Variants in ARF4 observed in about 807,000 individuals in gnomAD.
ARF4 encodes the protein ARF GTPase 4.
In ARF4, 5 loss-of-function variants were observed where a neutral mutation model predicts 24.3. That is an observed-to-expected ratio of 0.21 (90% CI 0.11 to 0.43). The LOEUF (loss-of-function observed/expected upper bound fraction) is 0.43. Among genes scored for constraint, ARF4 ranks in the 20% least tolerant of loss-of-function variants. ARF4 has a pLI of 1.00. For missense variants in ARF4, 107 were observed against 213.0 expected, an observed-to-expected ratio of 0.50 and a Z score of 3.10; for synonymous variants, 62 against 73.5, an observed-to-expected ratio of 0.84 and a Z score of 0.80.
intron 3 of ARF4, among the ~76,000 whole-genome samples, chr3:57,580,186 C>T (rs2153408715): frequency 6.6e-6 from 1 of 152,226 alleles, no homozygotes; most frequent in Admixed American, 6.5e-5. Context: ...TCTTATACTA[C>T]TTGTTATATA....
At chr3:57,593,194 G>A (rs908311171) in intron 1 of ARF4, among the ~76,000 whole-genome samples, 1 of 152,034 alleles carries the variant, frequency 6.6e-6, no homozygotes, top group African/African-American at 2.4e-5. Context: ...ATGGGTGACA[G>A]AGCAAAACCC....
At chr3:57,577,430 ACT>A (rs2069919698) in intron 3 of ARF4, 43 bp from the exon 4 acceptor site, 2 of 1,498,596 alleles carry the variant, frequency 1.3e-6, no homozygotes, top group Non-Finnish European at 1.9e-6. Context: ...GTTAAACGAC[ACT>A]CTCTATATGA....
chr3:57,593,947 A>C (rs928280019), intron 1 of ARF4, among the ~76,000 whole-genome samples: 9 of 152,190 alleles, frequency 5.9e-5, no homozygotes, highest in African/African-American at 2.2e-4. Flanking sequence ...ATAATTATTT[A>C]AAAAATATAT....
intron 1 of ARF4, among the ~76,000 whole-genome samples, chr3:57,594,338 C>T (rs1004928068): frequency 6.6e-6 from 1 of 152,196 alleles, no homozygotes; most frequent in Non-Finnish European, 1.5e-5. Context: ...TCCTCCCAAC[C>T]TGGCCTCCCA....
chr3:57,596,591 C>G (rs76924430), intron 1 of ARF4: 2,047 of 153,220 alleles, frequency 0.013, 50 homozygotes, highest in African/African-American at 0.046. Flanking sequence ...GCTCCAGGCT[C>G]CGGGTGGCCG....
intron 1 of ARF4, among the ~76,000 whole-genome samples, chr3:57,590,415 G>A (rs567509827): frequency 2.6e-5 from 4 of 152,088 alleles, no homozygotes; most frequent in Non-Finnish European, 4.4e-5. Flanking sequence ...GAACCCGGGA[G>A]GCGGAGTCTG....
chr3:57,586,937 A>AG lies in ARF4; in HGVS notation c.68-2474dup, dbSNP rs1234149406. ...AGAATTGAAACTGAGACGCTGATTA[A>AG]GAAACACACACACACACGCACACAC... On this transcript the variant is annotated intron_variant, in intron 1 of 5. Coordinates refer to ENST00000303436, the MANE Select transcript of ARF4 (RefSeq NM_001660.4). Among the ~76,000 whole-genome samples, 8 of 152,240 alleles carry AG rather than the reference A, an allele frequency of 5.3e-5. No homozygotes were observed. The East Asian group carries it at 1.5e-3, about 29-fold the overall frequency.
intron 1 of ARF4, among the ~76,000 whole-genome samples, chr3:57,590,686 A>G (rs972399833): frequency 2.0e-5 from 3 of 151,964 alleles, no homozygotes; most frequent in Non-Finnish European, 4.4e-5. Flanking sequence ...ATATATATAC[A>G]TTTGTTTTTT....
chr3:57,578,186 A>T (rs2069929204), intron 3 of ARF4, among the ~76,000 whole-genome samples: 1 of 152,128 alleles, frequency 6.6e-6, no homozygotes. Context: ...TCATCATGGA[A>T]GGAAAAAATT....
At chr3:57,578,895 G>A (rs539025999) in intron 3 of ARF4, among the ~76,000 whole-genome samples, 1 of 151,574 alleles carries the variant, frequency 6.6e-6, no homozygotes, top group South Asian at 2.1e-4. Flanking sequence ...AGAAAAGGGG[G>A]GGGGCAAAAA....
At chr3:57,596,112 G>C (rs190221067) in intron 1 of ARF4, among the ~76,000 whole-genome samples, 1 of 152,274 alleles carries the variant, frequency 6.6e-6, no homozygotes, top group African/African-American at 2.4e-5. Context: ...ACCGGGAGCG[G>C]TTGCTTACTT....
At chr3:57,585,881 T>C (rs1343561939) in intron 1 of ARF4, among the ~76,000 whole-genome samples, 1 of 152,030 alleles carries the variant, frequency 6.6e-6, no homozygotes, top group Non-Finnish European at 1.5e-5. Context: ...AGGCTGGTCT[T>C]GAACTCCTGA....
At chr3:57,573,625 G>C (rs7611153) in intron 5 of ARF4, among the ~76,000 whole-genome samples, 61,375 of 152,020 alleles carry the variant, frequency 0.4, 13,276 homozygotes, top group South Asian at 0.56. Flanking sequence ...CTCTTGCCCA[G>C]ACTGGAGTGC....
At chr3:57,585,927 G>A (rs1262972316) in intron 1 of ARF4, among the ~76,000 whole-genome samples, 3 of 152,074 alleles carry the variant, frequency 2.0e-5, no homozygotes. Context: ...CTCTCAAAGT[G>A]CTGTGATTAC....
At chr3:57,587,797 A>C (rs1424752615) in intron 1 of ARF4, among the ~76,000 whole-genome samples, 1 of 152,234 alleles carries the variant, frequency 6.6e-6, no homozygotes, top group Admixed American at 6.5e-5. Flanking sequence ...AAGTATCCAC[A>C]AATTATTTTC....
Position 57,597,216 on chromosome 3 carries a change from C to T in ARF4, c.-76G>A. 7.1e-7 allele frequency: 1 copy of T among 1,403,432 alleles called. No homozygotes were observed. The highest frequency in any genetic ancestry group is 1.4e-5 in the African/African-American group (1 of 70,290). 86.9% of individuals were successfully genotyped at this position (1,403,432 alleles called of 1,614,324 possible). A position where few individuals can be genotyped will look rare whatever the true frequency, so the allele number is the denominator to read the frequency against. The stretch of plus-strand genomic sequence containing the variant: ...CCCGTGCTTTCTCCTTTCAAGCTCC[C>T]AGGCAAACTAAACGAGAGGGAAGAG... On this transcript the variant is annotated 5_prime_UTR_variant, in exon 1 of 6. Transcript: ENST00000303436.
chr3:57,581,595 G>T (rs1003054839), intron 3 of ARF4, among the ~76,000 whole-genome samples: 1 of 152,206 alleles, frequency 6.6e-6, no homozygotes, highest in Admixed American at 6.5e-5. Flanking sequence ...GAGGTCAGGA[G>T]ATCGAGACCA....
chr3:57,583,757 AC>A, intron 3 of ARF4, 140 bp downstream of exon 3: 1 of 663,624 alleles, frequency 1.5e-6, no homozygotes, highest in Non-Finnish European at 2.6e-6. Flanking sequence ...GTGAGAGTCC[AC>A]TGAAGAATGT....
chr3:57,597,054 A>C lies in ARF4; in HGVS notation c.67+20T>G. 6.2e-7 allele frequency: 1 copy of C among 1,612,818 alleles called. No individual in the cohort carries two copies. Among genetic ancestry groups the C allele is most frequent in the Non-Finnish European group, 8.5e-7 (1 of 1,178,924 alleles). On this transcript the variant is annotated intron_variant, in intron 1 of 5. Transcript: ENST00000303436. Reference sequence around the variant, plus strand: ...CCCTGCCTTTCCCAGGTCCCGCCTGACTCGCAGCCCCTCACTCACCCATCA... The same window carrying C: ...CCCTGCCTTTCCCAGGTCCCGCCTGCCTCGCAGCCCCTCACTCACCCATCA...
Sources: allele counts gnomAD v4.1 joint callset (sites outside exome capture counted in the v4.1 genomes callset), GRCh38; gene constraint gnomAD v4.1.1; transcripts MANE v1.5; gene names NCBI Gene and HGNC (gene_info 2026-07-23, HGNC 2026-07-21).